The following PIR variants were observed in gnomAD, a reference collection of about 807,000 sequenced individuals.
The protein encoded by PIR is pirin.
PIR carries 22 observed loss-of-function variants against 24.2 expected under a neutral mutation model. The ratio of observed to expected loss-of-function variants is 0.91; its 90% confidence interval spans 0.65 to 1.30. PIR has a LOEUF of 1.30. PIR is among the 50% of genes most tolerant of loss of function. The pLI, the probability that PIR is intolerant of heterozygous loss-of-function variation, is 0.00. For missense variants in PIR, 220 were observed against 220.3 expected (o/e 1.00, Z 0.01); for synonymous variants, 80 against 79.6 (o/e 1.00, Z -0.03).
intron 2 of PIR, among the ~76,000 whole-genome samples, chrX:15,488,745 C>T (rs999824241): frequency 1.8e-5 from 2 of 111,178 alleles, no homozygotes; most frequent in Non-Finnish European, 3.8e-5. Context: ...AGAGTCATAC[C>T]TGGGGTACAG....
chrX:15,416,805 CAA>C (rs1924934418), intron 6 of PIR, among the ~76,000 whole-genome samples: 1 of 111,222 alleles, frequency 9.0e-6, no homozygotes, highest in African/African-American at 3.3e-5. Context: ...TGGCCAAAAA[CAA>C]GAGAGCAGAC....
chrX:15,417,236 C>G (rs1417729740), intron 6 of PIR, among the ~76,000 whole-genome samples: 1 of 250 alleles, frequency 4.0e-3, no homozygotes, highest in Non-Finnish European at 6.5e-3. Context: ...AGGTGTGAGC[C>G]GCAGCGCCAG....
intron 6 of PIR, among the ~76,000 whole-genome samples, chrX:15,413,695 A>G (rs1367347924): frequency 8.9e-6 from 1 of 112,655 alleles, no homozygotes; most frequent in African/African-American, 3.2e-5. Flanking sequence ...CCGTTTTACC[A>G]AATTTGATGA....
intron 7 of PIR, among the ~76,000 whole-genome samples, chrX:15,404,541 A>G (rs966098562): frequency 1.8e-5 from 2 of 112,219 alleles, no homozygotes; most frequent in African/African-American, 6.5e-5. Context: ...GACATTTCGA[A>G]AAAGACAATT....
chrX:15,396,435 C>T (rs1477319207), intron 8 of PIR, among the ~76,000 whole-genome samples: 1 of 111,607 alleles, frequency 9.0e-6, no homozygotes, highest in Non-Finnish European at 1.9e-5. Context: ...CCGACTGCCT[C>T]GGCACTAGTC....
chrX:15,491,912 C>T (rs1015899885), intron 1 of PIR, among the ~76,000 whole-genome samples: 2 of 110,700 alleles, frequency 1.8e-5, no homozygotes, highest in Non-Finnish European at 3.8e-5. Context: ...ATGCATTTCT[C>T]CGAACATATC....
At chrX:15,425,632 G>C (rs1037542874) in intron 6 of PIR, among the ~76,000 whole-genome samples, 14 of 110,654 alleles carry the variant, frequency 1.3e-4, no homozygotes, top group African/African-American at 4.6e-4. Flanking sequence ...GGATGGTCTT[G>C]ATCTCCTGAC....
At chrX:15,416,592 C>T (rs1924925719) in intron 6 of PIR, among the ~76,000 whole-genome samples, 1 of 111,536 alleles carries the variant, frequency 9.0e-6, no homozygotes, top group South Asian at 3.7e-4. Flanking sequence ...TCCTGCCTCC[C>T]GTATTGCCCT....
In PIR at chrX:15,491,494, T is replaced by G. The variant is rs908867861; in HGVS notation, c.-52-185A>C. Among the ~76,000 whole-genome samples the G allele has an allele frequency of 2.7e-5, 3 of 111,988 alleles. No homozygotes were observed. The Admixed American group carries it at 2.8e-4, about 11-fold the overall frequency. ...CATAATGATGGTGAACATGTATGCA[T>G]ACCTACTAGGTGCCCAGTACCCCAC... On this transcript the variant is annotated intron_variant, in intron 1 of 9. Transcript: ENST00000380420.
At chrX:15,413,164 G>A (rs1924800612) in intron 6 of PIR, among the ~76,000 whole-genome samples, 1 of 111,825 alleles carries the variant, frequency 8.9e-6, no homozygotes, top group African/African-American at 3.3e-5. Context: ...ACAAATATCA[G>A]TTCATTTTCC....
chrX:15,478,016 C>CG (rs1555962060), intron 3 of PIR, among the ~76,000 whole-genome samples: 4 of 72,225 alleles, frequency 5.5e-5, no homozygotes, highest in African/African-American at 2.1e-4. Flanking sequence ...TAAAGTATTC[C>CG]CCCCCCCCCA....
At chrX:15,386,038 A>G (rs1266808300) in intron 9 of PIR, among the ~76,000 whole-genome samples, 2 of 111,751 alleles carry the variant, frequency 1.8e-5, no homozygotes, top group Non-Finnish European at 3.8e-5. Flanking sequence ...TGCTAGATGA[A>G]CAAGGCCAGC....
intron 5 of PIR, among the ~76,000 whole-genome samples, chrX:15,432,783 G>A (rs1250094811): frequency 2.7e-5 from 3 of 112,206 alleles, no homozygotes; most frequent in Non-Finnish European, 5.6e-5. Flanking sequence ...AAGAATAGAG[G>A]AGAGGAGACT....
At chrX:15,407,587 A>G in intron 6 of PIR, 37 bp from the exon 7 acceptor site, 2 of 1,048,027 alleles carry the variant, frequency 1.9e-6, no homozygotes, top group African/African-American at 1.8e-5. Context: ...GTTAGTGTCC[A>G]TAATGCCAAA....
intron 6 of PIR, among the ~76,000 whole-genome samples, chrX:15,412,292 G>C (rs749514008): frequency 4.5e-5 from 5 of 111,832 alleles, no homozygotes; most frequent in Middle Eastern, 4.6e-3. Context: ...TTCATTAAAA[G>C]TACAGACCAG....
At chrX:15,402,255 A>C (rs1331030308) in intron 7 of PIR, among the ~76,000 whole-genome samples, 1 of 111,942 alleles carries the variant, frequency 8.9e-6, no homozygotes, top group African/African-American at 3.2e-5. Flanking sequence ...AATACAGTTA[A>C]GGTGGGTTTA....
At chrX:15,385,170 C>A in intron 9 of PIR, 54 bp from the exon 10 acceptor site, 1 of 580,621 alleles carries the variant, frequency 1.7e-6, no homozygotes, top group South Asian at 2.7e-5. Flanking sequence ...TTTCCTCTAC[C>A]ACTAGAAATG....
intron 6 of PIR, among the ~76,000 whole-genome samples, chrX:15,419,209 G>A (rs915742594): frequency 9.0e-6 from 1 of 111,377 alleles, no homozygotes; most frequent in African/African-American, 3.3e-5. Context: ...CAGTATGTCT[G>A]ATGACAGGCA....
rs921940324 is a variant in PIR at position 15,403,978 on chromosome X, A to G, written c.610+3528T>C. On this transcript the variant is annotated intron_variant, in intron 7 of 9. Transcript: ENST00000380420. ...ACTGACTTACTTTGACAACTAGTTA[A>G]ACATCCAGCATTTTCTTTTTTTTTT... Among the ~76,000 whole-genome samples the G allele has an allele frequency of 3.9e-5, 4 of 103,777 alleles. No homozygotes were observed. The Admixed American group carries it at 4.3e-4, about 11-fold the overall frequency. The allele number at this position is 103,777 out of a possible 115,157, so 90.1% of individuals were successfully genotyped here. A position where few individuals can be genotyped will look rare whatever the true frequency, so the allele number is the denominator to read the frequency against.
Sources: allele counts gnomAD v4.1 joint callset (sites outside exome capture counted in the v4.1 genomes callset), GRCh38; gene constraint gnomAD v4.1.1; transcripts MANE v1.5; gene names NCBI Gene and HGNC (gene_info 2026-07-23, HGNC 2026-07-21).